The following CNKSR3 variants were observed in gnomAD, a reference collection of about 807,000 sequenced individuals.
CNKSR3 encodes connector enhancer of kinase suppressor of ras 3.
In CNKSR3, 36 loss-of-function variants were observed where a neutral mutation model predicts 67.7. The observed-to-expected ratio is 0.53, with a 90% CI of 0.41 to 0.70. CNKSR3 has a LOEUF of 0.70. Ranked by LOEUF, CNKSR3 falls within the 30% of genes least tolerant of loss-of-function variation. The pLI, the probability that CNKSR3 is intolerant of heterozygous loss-of-function variation, is 0.00. For synonymous variants in CNKSR3, 281 were observed against 271.4 expected, an observed-to-expected ratio of 1.04 and a Z score of -0.35; for missense variants, 630 against 695.2, an observed-to-expected ratio of 0.91 and a Z score of 1.05.
intron 1 of CNKSR3, among the ~76,000 whole-genome samples, chr6:154,484,306 T>C (rs191039071): frequency 9.6e-4 from 146 of 152,248 alleles, no homozygotes; most frequent in African/African-American, 3.4e-3. Flanking sequence ...CCAACAGAAG[T>C]CAAGAAACAT....
At chr6:154,415,006 G>A (rs1209263154) in intron 9 of CNKSR3, among the ~76,000 whole-genome samples, 3 of 148,548 alleles carry the variant, frequency 2.0e-5, no homozygotes, top group African/African-American at 7.5e-5. Flanking sequence ...GATGAGATGG[G>A]AGGATTGCTT....
At position 154,486,464 on chromosome 6, in the gene CNKSR3, T is replaced by TTTTTATTTTATTTTA. The variant is rs370678999; in HGVS notation, c.52+23584_52+23598dup. Reference sequence around the variant, plus strand: ...GGCACGGGCCACCACGCCCAGCTAATTTTTATTTTATTTTATTTTATTTTA... The same window carrying TTTTTATTTTATTTTA: ...GGCACGGGCCACCACGCCCAGCTAATTTTTATTTTATTTTATTTTATTTTATTTTATTTTATTTTA... On this transcript the variant is annotated intron_variant, in intron 1 of 12. Transcript: ENST00000607772. 9.1e-4 allele frequency among the ~76,000 whole-genome samples: 134 copies of TTTTTATTTTATTTTA among 146,468 alleles called. 5 individuals are homozygous for TTTTTATTTTATTTTA. Among genetic ancestry groups the TTTTTATTTTATTTTA allele is most frequent in the African/African-American group, 2.9e-3 (106 of 36,908 alleles).
intron 5 of CNKSR3, among the ~76,000 whole-genome samples, chr6:154,432,881 G>A (rs1000084418): frequency 1.3e-5 from 2 of 152,210 alleles, no homozygotes; most frequent in Non-Finnish European, 2.9e-5. Flanking sequence ...CCAAGGGGGA[G>A]AATCCAAGAA....
chr6:154,452,663 T>C (rs1353369274), intron 1 of CNKSR3, among the ~76,000 whole-genome samples: 2 of 152,368 alleles, frequency 1.3e-5, no homozygotes, highest in East Asian at 3.9e-4. Flanking sequence ...AAAATTCATA[T>C]GTTACAGTCC....
chr6:154,443,389 G>A (rs1035254289), intron 2 of CNKSR3, among the ~76,000 whole-genome samples: 6 of 151,496 alleles, frequency 4.0e-5, no homozygotes, highest in Non-Finnish European at 7.4e-5. Flanking sequence ...CTACCCATCA[G>A]ATGGCAGTAG....
Position 154,406,246 on chromosome 6 carries a change from G to T in CNKSR3, c.*108C>A. 9.8e-7 allele frequency: 1 copy of T among 1,021,928 alleles called. No individual in the cohort carries two copies. Among genetic ancestry groups the T allele is most frequent in the Non-Finnish European group, 1.4e-6 (1 of 709,010 alleles). The allele number at this position is 1,021,928 out of a possible 1,614,324, so 63.3% of individuals were successfully genotyped here. On this transcript the variant is annotated 3_prime_UTR_variant, in exon 13 of 13. Coordinates refer to ENST00000607772, the MANE Select transcript of CNKSR3 (RefSeq NM_173515.4). ...TAACTTTTCAAAAGAAAAAGAAATTGCATAAGGTCCCTACATAATACTGAG... is the reference window on the plus strand; with the variant it reads ...TAACTTTTCAAAAGAAAAAGAAATTTCATAAGGTCCCTACATAATACTGAG...
In CNKSR3 at chr6:154,395,878, G is replaced by A. The variant is rs1452413037; in HGVS notation, c.*10476C>T. On this transcript the variant is annotated 3_prime_UTR_variant, in exon 13 of 13. Transcript: ENST00000607772. ...GCCTCCTGAGTAGCTGGGACTACAG[G>A]TGCACACCACCACACTCGGTTAATT... 1 of 152,314 alleles carries A rather than the reference G, an allele frequency of 6.6e-6. No homozygotes were observed. The highest frequency in any genetic ancestry group is 1.5e-5 in the Non-Finnish European group (1 of 68,202). 9.4% of individuals were successfully genotyped at this position (152,314 alleles called of 1,614,324 possible). A position where few individuals can be genotyped will look rare whatever the true frequency, so the allele number is the denominator to read the frequency against.
Position 154,430,544 on chromosome 6 carries a change from T to C in CNKSR3, c.597A>G (p.Thr199=), listed in dbSNP as rs780290004. 1.2e-6 allele frequency: 2 copies of C among 1,612,820 alleles called. No individual in the cohort carries two copies. The highest frequency in any genetic ancestry group is 1.7e-6 in the Non-Finnish European group (2 of 1,179,474). Residue 199 remains threonine, a synonymous_variant, in exon 6 of 13, where the codon ACA becomes ACG. Coordinates refer to ENST00000607772, the MANE Select transcript of CNKSR3 (RefSeq NM_173515.4). The part of the protein sequence containing the change: ...GICDKTIRST[T]DPVMSQCACL... ...ATGCACACTGGCTCATCACAGGATC[T>C]GTGGTAGATCGGATTGTTTTGTCAC... is the stretch of plus-strand genomic sequence containing the variant.
At chr6:154,499,622 G>T (rs553110941) in intron 1 of CNKSR3, among the ~76,000 whole-genome samples, 2 of 152,078 alleles carry the variant, frequency 1.3e-5, no homozygotes, top group South Asian at 4.1e-4. Context: ...AATCTCTACC[G>T]GGTTTTTTTA....
rs1584045825 is a variant in CNKSR3 at position 154,406,210 on chromosome 6, A to G, written c.*144T>C. On this transcript the variant is annotated 3_prime_UTR_variant, in exon 13 of 13. Coordinates refer to ENST00000607772, the MANE Select transcript of CNKSR3 (RefSeq NM_173515.4). The stretch of plus-strand genomic sequence containing the variant: ...CATCCAATCCTGCAAACTTCCAAGA[A>G]GGGCAGTAGATAACTTTTCAAAAGA... 6 of 731,006 alleles carry G rather than the reference A, an allele frequency of 8.2e-6. No individual in the cohort carries two copies. In the East Asian group the frequency reaches 1.6e-4, roughly 20 times the overall value. 45.3% of individuals were successfully genotyped at this position (731,006 alleles called of 1,614,324 possible).
Position 154,496,722 on chromosome 6 carries a change from T to C in CNKSR3, c.52+13341A>G, listed in dbSNP as rs373856419. 5.3e-5 allele frequency among the ~76,000 whole-genome samples: 8 copies of C among 152,182 alleles called. No individual in the cohort carries two copies. In the East Asian group the frequency reaches 9.6e-4, roughly 18 times the overall value. On this transcript the variant is annotated intron_variant, in intron 1 of 12. Coordinates refer to ENST00000607772, the MANE Select transcript of CNKSR3 (RefSeq NM_173515.4). ...TGTCCCATTTACAAGAGCCCAATCA[T>C]ATATTAAAAAGAGAAAAGAAGTAGA...
At chr6:154,424,355 G>A (rs976004227) in intron 7 of CNKSR3, among the ~76,000 whole-genome samples, 1 of 152,124 alleles carries the variant, frequency 6.6e-6, no homozygotes, top group East Asian at 1.9e-4. Context: ...TATGTTGAAG[G>A]TATCTCATAT....
At chr6:154,509,135 G>A (rs1787160048) in intron 1 of CNKSR3, among the ~76,000 whole-genome samples, 1 of 151,978 alleles carries the variant, frequency 6.6e-6, no homozygotes. Context: ...GTCGTTGGGG[G>A]TGGGGGGAAA....
intron 1 of CNKSR3, among the ~76,000 whole-genome samples, chr6:154,498,078 A>G (rs1786912995): frequency 6.6e-6 from 1 of 152,238 alleles, no homozygotes; most frequent in Non-Finnish European, 1.5e-5. Flanking sequence ...GTAACTATTC[A>G]GTGGTTTGCT....
In CNKSR3 at chr6:154,502,888, C is replaced by T. The variant is rs114453067; in HGVS notation, c.52+7175G>A. On this transcript the variant is annotated intron_variant, in intron 1 of 12. Transcript: ENST00000607772. ...CAGGTCCGGGAGCTAGAAGACAACA[C>T]GCTGGGTGAAAAGAGAGGCAGTGAC... 4.5e-3 allele frequency among the ~76,000 whole-genome samples: 690 copies of T among 152,188 alleles called. 8 individuals are homozygous for T. The highest frequency in any genetic ancestry group is 0.016 in the African/African-American group (651 of 41,516).
chr6:154,441,426 CG>C, intron 3 of CNKSR3, 47 bp from the exon 4 acceptor site: 2 of 1,366,962 alleles, frequency 1.5e-6, no homozygotes. Flanking sequence ...GGAGAATCCA[CG>C]GGGATCCCAC....
chr6:154,468,355 C>T (rs1309283086), intron 1 of CNKSR3, among the ~76,000 whole-genome samples: 1 of 150,970 alleles, frequency 6.6e-6, no homozygotes, highest in Non-Finnish European at 1.5e-5. Flanking sequence ...GCTGGAATTA[C>T]AGGCATGAGC....
intron 1 of CNKSR3, 130 bp downstream of exon 1, chr6:154,509,933 T>C (rs1787180647): frequency 1.0e-6 from 1 of 978,328 alleles, no homozygotes; most frequent in Admixed American, 1.8e-5. Context: ...CGGCAGAAGT[T>C]TGCATTGTCA....
At chr6:154,469,400 A>T (rs759028581) in intron 1 of CNKSR3, among the ~76,000 whole-genome samples, 7 of 152,224 alleles carry the variant, frequency 4.6e-5, no homozygotes, top group Non-Finnish European at 8.8e-5. Context: ...TCAGAGTGCT[A>T]CTGTGAAGAT....
Sources: allele counts gnomAD v4.1 joint callset (sites outside exome capture counted in the v4.1 genomes callset), GRCh38; gene constraint gnomAD v4.1.1; transcripts MANE v1.5; gene names NCBI Gene and HGNC (gene_info 2026-07-23, HGNC 2026-07-21).